Variants in PTPRN observed in about 807,000 individuals in gnomAD.
The protein encoded by PTPRN is receptor-type tyrosine-protein phosphatase-like N.
PTPRN carries 70 observed loss-of-function variants against 108.5 expected under a neutral mutation model. The ratio of observed to expected loss-of-function variants is 0.65; its 90% confidence interval spans 0.53 to 0.79. PTPRN has a LOEUF of 0.79. Ranked by LOEUF, PTPRN falls within the 30% of genes least tolerant of loss-of-function variation. The probability of loss-of-function intolerance (pLI) is 0.00; values close to 1 mark genes in which losing one functional copy is unlikely to be tolerated. For missense variants in PTPRN, 1,136 were observed against 1,295.5 expected, an observed-to-expected ratio of 0.88 and a Z score of 1.89; for synonymous variants, 496 against 524.6, an observed-to-expected ratio of 0.95 and a Z score of 0.75.
intron 3 of PTPRN, among the ~76,000 whole-genome samples, chr2:219,305,232 T>C (rs1045736827): frequency 5.9e-5 from 9 of 151,606 alleles, no homozygotes; most frequent in African/African-American, 2.2e-4. Flanking sequence ...TTCCTCTCTT[T>C]ATCCTGGTCC....
At chr2:219,294,931 C>T (rs898189868) in intron 19 of PTPRN, 44 bp downstream of exon 19, 1 of 1,436,588 alleles carries the variant, frequency 7.0e-7, no homozygotes, top group Non-Finnish European at 9.1e-7. Context: ...CCCGGCTCCG[C>T]CCCCGCCCAT....
At chr2:219,301,487 T>G in intron 7 of PTPRN, 101 bp downstream of exon 7, 1 of 1,455,046 alleles carries the variant, frequency 6.9e-7, no homozygotes, top group Non-Finnish European at 9.3e-7. Context: ...CCCTGAAGCC[T>G]GACTCTTCCT....
rs2292602 is a variant in PTPRN at position 219,307,511 on chromosome 2, G to A, written c.213C>T (p.Pro71=). ...QCQVGVGQAR[P]LLQVTSPVLQ... is the part of the protein sequence containing the mutation. ...GAACTGGGGAGGTGACTTGCAAAAG[G>A]GGCCGGGCCTGCCCCACTCCCACCT... The change falls in exon 3 of 23, where the codon CCC becomes CCT. Residue 71 remains proline (P), a synonymous_variant. Coordinates refer to ENST00000295718, the MANE Select transcript of PTPRN (RefSeq NM_002846.4). 4.3e-4 allele frequency: 693 copies of A among 1,614,128 alleles called. 3 individuals are homozygous for A. In the East Asian group the frequency reaches 6.6e-3, roughly 15 times the overall value.
chr2:219,309,302 C>G lies in PTPRN; in HGVS notation c.31G>C (p.Gly11Arg), dbSNP rs186464460. The G allele has an allele frequency of 6.6e-7, 1 of 1,514,964 alleles. No homozygotes were observed. The highest frequency in any genetic ancestry group is 1.2e-5 in the South Asian group (1 of 82,946). The allele number at this position is 1,514,964 out of a possible 1,614,324, so 93.8% of individuals were successfully genotyped here. A position where few individuals can be genotyped will look rare whatever the true frequency, so the allele number is the denominator to read the frequency against. The part of the protein sequence containing the change: MRRPRRPGGL[G>R]GSGGLRLLLC... Reference sequence around the variant, plus strand: ...AGCAGCCGGAGACCCCCGGATCCCCCGAGACCCCCAGGCCGCCGCGGGCGC... The same window carrying G: ...AGCAGCCGGAGACCCCCGGATCCCCGGAGACCCCCAGGCCGCCGCGGGCGC... The change falls in exon 1 of 23, where the codon GGG (glycine) becomes CGG (arginine). Residue 11 changes from glycine to arginine, a missense_variant. Coordinates refer to ENST00000295718, the MANE Select transcript of PTPRN (RefSeq NM_002846.4).
chr2:219,304,018 C>T, intron 3 of PTPRN, 187 bp from the exon 4 acceptor site: 1 of 461,360 alleles, frequency 2.2e-6, no homozygotes, highest in Non-Finnish European at 3.8e-6. Flanking sequence ...GGAGCCAGAC[C>T]ACCTGGGTTT....
chr2:219,300,368 C>T, intron 8 of PTPRN, 109 bp from the exon 9 acceptor site: 1 of 1,189,358 alleles, frequency 8.4e-7, no homozygotes, highest in South Asian at 1.7e-5. Context: ...TCACTTTCTA[C>T]CCCCAGGGAC....
intron 3 of PTPRN, 23 bp downstream of exon 3, chr2:219,307,421 C>T (rs1315238100): frequency 6.3e-7 from 1 of 1,596,286 alleles, no homozygotes; most frequent in Admixed American, 1.7e-5. Flanking sequence ...CAATCTCTCT[C>T]CTCCAGTGCA....
intron 11 of PTPRN, 25 bp downstream of exon 11, chr2:219,299,280 G>A: frequency 6.2e-7 from 1 of 1,612,530 alleles, no homozygotes. Flanking sequence ...GCCAAGCCTG[G>A]GATTGAGGTC....
Position 219,300,323 on chromosome 2 carries a change from C to G in PTPRN, c.1162-64G>C, listed in dbSNP as rs997321679. 11 of 1,480,380 alleles carry G rather than the reference C, an allele frequency of 7.4e-6. No individual in the cohort carries two copies. The African/African-American group carries it at 1.1e-4, about 15-fold the overall frequency. The allele number at this position is 1,480,380 out of a possible 1,614,324, so 91.7% of individuals were successfully genotyped here. On this transcript the variant is annotated intron_variant, in intron 8 of 22. Coordinates refer to ENST00000295718, the MANE Select transcript of PTPRN (RefSeq NM_002846.4). ...GCTGGGGGAAGGGGTACCCTGGACT[C>G]GGAGCTCTCCACAGTGGAGCTCAGG...
rs376730481 is a variant in PTPRN, at chr2:219,291,540, G to A, written c.2676-17C>T. 5.0e-6 allele frequency: 8 copies of A among 1,613,306 alleles called. No homozygotes were observed. The highest frequency in any genetic ancestry group is 3.3e-5 in the Admixed American group (2 of 60,010). On this transcript the variant is annotated splice_polypyrimidine_tract_variant and intron_variant, in intron 19 of 22. Transcript: ENST00000295718. ...TTCACCTTCCTGCAACAAGAAATGGGTGTGAGGGCCAGTGGGCACCAGCAG... is the reference window on the plus strand; with the variant it reads ...TTCACCTTCCTGCAACAAGAAATGGATGTGAGGGCCAGTGGGCACCAGCAG...
chr2:219,299,554 G>T, intron 10 of PTPRN, 146 bp downstream of exon 10: 1 of 1,136,090 alleles, frequency 8.8e-7, no homozygotes, highest in Non-Finnish European at 1.3e-6. Flanking sequence ...GCAACGGGCT[G>T]GGTGTGGCTG....
intron 3 of PTPRN, among the ~76,000 whole-genome samples, chr2:219,306,247 A>G (rs1410584788): frequency 3.3e-5 from 5 of 152,236 alleles, no homozygotes; most frequent in Non-Finnish European, 7.3e-5. Context: ...AATAATGCTG[A>G]CTACCTTAAA....
At chr2:219,308,923 G>T (rs778626770) in intron 1 of PTPRN, 2 of 1,398,024 alleles carry the variant, frequency 1.4e-6, no homozygotes, top group South Asian at 1.2e-5. Flanking sequence ...CTGTGGTCTC[G>T]CAGCCGGTCT....
intron 19 of PTPRN, 30 bp from the exon 20 acceptor site, chr2:219,291,553 T>C: frequency 6.2e-7 from 1 of 1,608,840 alleles, no homozygotes; most frequent in Non-Finnish European, 8.5e-7. Context: ...TGAGGGCCAG[T>C]GGGCACCAGC....
intron 6 of PTPRN, among the ~76,000 whole-genome samples, 178 bp downstream of exon 6, chr2:219,301,959 T>C (rs994814167): frequency 6.6e-6 from 1 of 152,184 alleles, no homozygotes; most frequent in Non-Finnish European, 1.5e-5. Context: ...TCACGTCAAC[T>C]CCACTCCCCA....
Position 219,290,710 on chromosome 2 carries a change from G to T in PTPRN, c.2795-99C>A, listed in dbSNP as rs1952033874. 6.7e-7 allele frequency: 1 copy of T among 1,482,028 alleles called. No homozygotes were observed. The highest frequency in any genetic ancestry group is 9.3e-7 in the Non-Finnish European group (1 of 1,070,370). 91.8% of individuals were successfully genotyped at this position (1,482,028 alleles called of 1,614,324 possible). A position where few individuals can be genotyped will look rare whatever the true frequency, so the allele number is the denominator to read the frequency against. On this transcript the variant is annotated intron_variant, in intron 21 of 22. Coordinates refer to ENST00000295718, the MANE Select transcript of PTPRN (RefSeq NM_002846.4). The surrounding 1 kb of genome is among the most constrained non-coding windows in gnomAD (Gnocchi z 4.2). The stretch of plus-strand genomic sequence containing the variant: ...TCCTGGAGGCAAAGAGCCTTGGAGG[G>T]CTGGGCAGAGCCTGGAGGTTGACAA...
intron 20 of PTPRN, 136 bp downstream of exon 20, chr2:219,291,334 G>C: frequency 1.1e-6 from 1 of 924,926 alleles, no homozygotes; most frequent in Non-Finnish European, 1.8e-6. Flanking sequence ...CTTAGGTCTT[G>C]GCCATTAAAA....
chr2:219,308,995 G>A, intron 1 of PTPRN: 1 of 1,523,250 alleles, frequency 6.6e-7, no homozygotes. Flanking sequence ...TTTCCCCAGA[G>A]CCCAATTCTC....
chr2:219,301,570 C>T lies in PTPRN; in HGVS notation c.1126+18G>A. On this transcript the variant is annotated intron_variant, in intron 7 of 22. Transcript: ENST00000295718. The stretch of plus-strand genomic sequence containing the variant: ...GGAGCCGGGAGATATTGGTCCCTCC[C>T]TCTGCCTGGACACTTACCCGGATTT... 6.3e-7 allele frequency: 1 copy of T among 1,597,966 alleles called. No homozygotes were observed. The highest frequency in any genetic ancestry group is 1.1e-5 in the South Asian group (1 of 90,476).
Sources: gnomAD v4.1 joint callset for allele counts (sites outside exome capture counted in the v4.1 genomes callset) on GRCh38, gnomAD v4.1.1 for gene constraint, Gnocchi (gnomAD v3.1) non-coding constraint, MANE v1.5 for transcripts, NCBI Gene and HGNC (gene_info 2026-07-23, HGNC 2026-07-21) for gene names.